The following PDZRN4 variants were observed in gnomAD, a reference collection of about 807,000 sequenced individuals.
PDZRN4 encodes the protein PDZ domain containing ring finger 4, also known as PDZ domain-containing RING finger protein 4.
PDZRN4 carries 70 observed loss-of-function variants against 99.0 expected under a neutral mutation model. The observed-to-expected ratio is 0.71, with a 90% confidence interval of 0.58 to 0.86. The LOEUF (loss-of-function observed/expected upper bound fraction) is 0.86, where lower values mean the gene tolerates loss of function less well. Among genes scored for constraint, PDZRN4 ranks in the 40% least tolerant of loss-of-function variants. The pLI is 0.00. For missense variants in PDZRN4, 1,474 were observed against 1,331.2 expected (o/e 1.11, Z -1.67); for synonymous variants, 551 against 501.6 (o/e 1.10, Z -1.32).
At chr12:41,220,621 G>C (rs78702143) in intron 3 of PDZRN4, among the ~76,000 whole-genome samples, 4,393 of 152,228 alleles carry the variant, frequency 0.029, 163 homozygotes, top group East Asian at 0.16. Flanking sequence ...GATGCCAGAA[G>C]CTGACTTGGA....
intron 3 of PDZRN4, among the ~76,000 whole-genome samples, chr12:41,322,335 T>G (rs960384613): frequency 6.6e-6 from 1 of 152,016 alleles, no homozygotes; most frequent in Non-Finnish European, 1.5e-5. Context: ...TCCTCAAAAT[T>G]TTTGTAGGTA....
intron 3 of PDZRN4, among the ~76,000 whole-genome samples, chr12:41,446,524 T>A (rs1187630482): frequency 9.4e-6 from 1 of 106,078 alleles, no homozygotes; most frequent in Non-Finnish European, 1.9e-5. Flanking sequence ...AGAATTTAGA[T>A]GGTTTTTTTT....
chr12:41,302,935 T>TACAC (rs71846165), intron 3 of PDZRN4, among the ~76,000 whole-genome samples: 4,365 of 127,200 alleles, frequency 0.034, 85 homozygotes, highest in East Asian at 0.15. Flanking sequence ...ATATATAAAA[T>TACAC]ACACACACAC....
intron 3 of PDZRN4, among the ~76,000 whole-genome samples, chr12:41,305,405 T>C (rs1951562360): frequency 6.6e-6 from 1 of 152,208 alleles, no homozygotes; most frequent in Non-Finnish European, 1.5e-5. Context: ...TAGTTATTTA[T>C]GTCAATCAAC....
intron 3 of PDZRN4, among the ~76,000 whole-genome samples, chr12:41,426,073 G>A (rs1404109489): frequency 2.0e-5 from 3 of 152,114 alleles, no homozygotes; most frequent in South Asian, 2.1e-4. Flanking sequence ...AATTGTTTTT[G>A]TTTTTAAATC....
intron 3 of PDZRN4, among the ~76,000 whole-genome samples, chr12:41,348,373 T>C (rs922819801): frequency 6.6e-6 from 1 of 152,086 alleles, no homozygotes; most frequent in African/African-American, 2.4e-5. Flanking sequence ...GCCTTTTTCA[T>C]TGTATGAATA....
chr12:41,218,211 A>G (rs1035782966), intron 3 of PDZRN4, among the ~76,000 whole-genome samples: 11 of 152,108 alleles, frequency 7.2e-5, no homozygotes, highest in African/African-American at 2.4e-4. Context: ...TGTCTGTTAT[A>G]TGACTCTGTA....
intron 5 of PDZRN4, among the ~76,000 whole-genome samples, chr12:41,548,139 A>C (rs1421284727): frequency 2.0e-5 from 3 of 152,158 alleles, no homozygotes; most frequent in African/African-American, 4.8e-5. Flanking sequence ...AATAATTTGG[A>C]GTTGGAGGGT....
chr12:41,483,279 C>T (rs1490515552), intron 3 of PDZRN4, among the ~76,000 whole-genome samples: 1 of 151,988 alleles, frequency 6.6e-6, no homozygotes, highest in South Asian at 2.1e-4. Context: ...TTCATTCTGT[C>T]TATGAACTTA....
chr12:41,381,369 T>A (rs1952124757), intron 3 of PDZRN4, among the ~76,000 whole-genome samples: 1 of 152,118 alleles, frequency 6.6e-6, no homozygotes, highest in South Asian at 2.1e-4. Context: ...TAATATATAG[T>A]TTTGCTTGAT....
At chr12:41,203,798 A>G (rs923839586) in intron 3 of PDZRN4, among the ~76,000 whole-genome samples, 1 of 152,008 alleles carries the variant, frequency 6.6e-6, no homozygotes, top group Non-Finnish European at 1.5e-5. Flanking sequence ...TTGAAGCCAG[A>G]CTTTGAAGAA....
rs74917997 is a variant in PDZRN4, at chr12:41,338,094, G to T, written c.843+143906G>T. 9.9e-5 allele frequency among the ~76,000 whole-genome samples: 15 copies of T among 152,102 alleles called. No individual in the cohort carries two copies. In the East Asian group the frequency reaches 2.9e-3, roughly 29 times the overall value. On this transcript the variant is annotated intron_variant, in intron 3 of 9. Transcript: ENST00000402685. ...GTCTTTGTAGTTGCTTGCTAATATGGTCTAGATGACTATTTATAATTAGAA... is the reference window on the plus strand; with the variant it reads ...GTCTTTGTAGTTGCTTGCTAATATGTTCTAGATGACTATTTATAATTAGAA...
chr12:41,513,982 T>C (rs1938352950), intron 5 of PDZRN4, among the ~76,000 whole-genome samples: 1 of 152,030 alleles, frequency 6.6e-6, no homozygotes, highest in African/African-American at 2.4e-5. Flanking sequence ...CTTAGAAATA[T>C]CACTTGAAAT....
Position 41,386,986 on chromosome 12 carries a change from A to G in PDZRN4, c.844-119470A>G, listed in dbSNP as rs11180876. 4.3e-3 allele frequency among the ~76,000 whole-genome samples: 654 copies of G among 152,300 alleles called. 8 individuals are homozygous for G. The highest frequency in any genetic ancestry group is 0.015 in the African/African-American group (620 of 41,570). On this transcript the variant is annotated intron_variant, in intron 3 of 9. Transcript: ENST00000402685. ...TACAAAAATTAACTCAAGACAGATT[A>G]AACACTTAAATTTAAAATCCCAAGC...
At chr12:41,369,828 G>A (rs564168213) in intron 3 of PDZRN4, among the ~76,000 whole-genome samples, 1 of 151,748 alleles carries the variant, frequency 6.6e-6, no homozygotes, top group South Asian at 2.1e-4. Context: ...TATTTGCCCT[G>A]TTCTAGCTTC....
chr12:41,289,775 C>T (rs75654525), intron 3 of PDZRN4, among the ~76,000 whole-genome samples: 1,739 of 152,298 alleles, frequency 0.011, 53 homozygotes, highest in East Asian at 0.098. Context: ...AATCATGAAG[C>T]ACTATGGTGA....
intron 3 of PDZRN4, among the ~76,000 whole-genome samples, chr12:41,211,504 T>G (rs1444547689): frequency 3.3e-5 from 5 of 151,988 alleles, no homozygotes; most frequent in African/African-American, 1.2e-4. Flanking sequence ...TGAAGAAGCT[T>G]TTCTCTGAGG....
intron 3 of PDZRN4, among the ~76,000 whole-genome samples, chr12:41,478,111 T>TTTTTTTG (rs994217442): frequency 3.1e-4 from 47 of 152,176 alleles, no homozygotes; most frequent in Middle Eastern, 3.4e-3. Flanking sequence ...ATACATTAAA[T>TTTTTTTG]TTTTTTGTTT....
chr12:41,445,847 G>A (rs1444038394), intron 3 of PDZRN4, among the ~76,000 whole-genome samples: 2 of 151,906 alleles, frequency 1.3e-5, no homozygotes, highest in Non-Finnish European at 2.9e-5. Flanking sequence ...AGTAGCACTG[G>A]GTAGCAATCA....
Sources: gnomAD v4.1 joint callset for allele counts (sites outside exome capture counted in the v4.1 genomes callset) on GRCh38, gnomAD v4.1.1 for gene constraint, MANE v1.5 for transcripts, NCBI Gene and HGNC (gene_info 2026-07-23, HGNC 2026-07-21) for gene names.